Variants in NR3C1 observed in about 807,000 individuals in gnomAD.
NR3C1 encodes the protein glucocorticoid receptor.
A neutral mutation model predicts 74.0 loss-of-function variants in NR3C1; 14 were observed. The observed-to-expected ratio is 0.19, with a 90% CI of 0.12 to 0.30. The LOEUF is 0.30. Ranked by LOEUF, NR3C1 falls within the 10% of genes least tolerant of loss-of-function variation. The pLI is 1.00. For missense variants in NR3C1, 695 were observed against 909.8 expected, an observed-to-expected ratio of 0.76 and a Z score of 3.04; for synonymous variants, 308 against 332.5, an observed-to-expected ratio of 0.93 and a Z score of 0.80.
At chr5:143,354,293 C>T (rs1489600759) in intron 2 of NR3C1, among the ~76,000 whole-genome samples, 1 of 152,198 alleles carries the variant, frequency 6.6e-6, no homozygotes, top group African/African-American at 2.4e-5. Context: ...TAGTTATTTC[C>T]TTCAAGAGCT....
intron 1 of NR3C1, among the ~76,000 whole-genome samples, chr5:143,428,122 G>T (rs908881401): frequency 1.3e-5 from 2 of 152,120 alleles, no homozygotes; most frequent in Non-Finnish European, 2.9e-5. Context: ...AAGAAAAGAG[G>T]ACTTACAGGC....
intron 2 of NR3C1, among the ~76,000 whole-genome samples, chr5:143,336,034 T>G (rs563045680): frequency 6.6e-6 from 1 of 152,372 alleles, no homozygotes; most frequent in African/African-American, 2.4e-5. Context: ...AATTTGCCTA[T>G]TTCTCTGTTG....
intron 1 of NR3C1, among the ~76,000 whole-genome samples, chr5:143,424,137 C>T (rs1751401017): frequency 1.3e-5 from 2 of 151,732 alleles, no homozygotes. Context: ...GGGTGCAGCG[C>T]ACCACCATGG....
At chr5:143,377,700 T>A (rs1371818970) in intron 2 of NR3C1, among the ~76,000 whole-genome samples, 1 of 152,188 alleles carries the variant, frequency 6.6e-6, no homozygotes, top group Non-Finnish European at 1.5e-5. Flanking sequence ...GGAGAAACAT[T>A]TTTATGGCTA....
chr5:143,298,626 A>G (rs1237653488), intron 6 of NR3C1, 42 bp downstream of exon 6: 5 of 1,588,306 alleles, frequency 3.1e-6, no homozygotes, highest in Non-Finnish European at 4.3e-6. Context: ...CTGGTTAAAG[A>G]TACCCTATGA....
At chr5:143,324,623 A>G (rs1356579872) in intron 2 of NR3C1, among the ~76,000 whole-genome samples, 1 of 152,188 alleles carries the variant, frequency 6.6e-6, no homozygotes, top group Non-Finnish European at 1.5e-5. Flanking sequence ...GCTCCTTGCT[A>G]CTTATGCAAA....
Position 143,314,179 on chromosome 5 carries a change from G to A in NR3C1, c.1185-11C>T. The A allele has an allele frequency of 6.2e-7, 1 of 1,613,328 alleles. No homozygotes were observed. Among genetic ancestry groups the A allele is most frequent in the Non-Finnish European group, 8.5e-7 (1 of 1,179,568 alleles). Reference sequence around the variant, plus strand: ...GGTCTCATGCTGGGGCTAAAGAAGGGGAAGAACAGTGTTATGATTTAACTG... The same window carrying A: ...GGTCTCATGCTGGGGCTAAAGAAGGAGAAGAACAGTGTTATGATTTAACTG... On this transcript the variant is annotated splice_polypyrimidine_tract_variant and intron_variant, in intron 2 of 8. Coordinates refer to ENST00000394464, the MANE Select transcript of NR3C1 (RefSeq NM_000176.3).
At chr5:143,359,630 T>C (rs1438336432) in intron 2 of NR3C1, among the ~76,000 whole-genome samples, 1 of 152,066 alleles carries the variant, frequency 6.6e-6, no homozygotes, top group Non-Finnish European at 1.5e-5. Context: ...AAAAATCAAG[T>C]TTTTAGCTGG....
At chr5:143,352,325 A>G (rs1561645060) in intron 2 of NR3C1, among the ~76,000 whole-genome samples, 1 of 152,206 alleles carries the variant, frequency 6.6e-6, no homozygotes, top group Non-Finnish European at 1.5e-5. Context: ...AAGAAATAAC[A>G]GCTATTAAAA....
At position 143,279,009 on chromosome 5, in the gene NR3C1, C is replaced by T. The variant is rs1428583529; in HGVS notation, c.*2880G>A. On this transcript the variant is annotated 3_prime_UTR_variant, in exon 9 of 9. Coordinates refer to ENST00000394464, the MANE Select transcript of NR3C1 (RefSeq NM_000176.3). ...GCTTGTATAGTATCCCACAGAATAC[C>T]TACAAACACTAAAAATACTTTTCAG... 1 of 265,664 alleles carries T rather than the reference C, an allele frequency of 3.8e-6. No homozygotes were observed. The highest frequency in any genetic ancestry group is 7.1e-6 in the Non-Finnish European group (1 of 141,630). The allele number at this position is 265,664 out of a possible 1,614,324, so 16.5% of individuals were successfully genotyped here.
intron 1 of NR3C1, among the ~76,000 whole-genome samples, chr5:143,431,203 G>A (rs911005561): frequency 1.4e-4 from 22 of 152,174 alleles, no homozygotes; most frequent in African/African-American, 5.1e-4. Context: ...GGAGAGAGAT[G>A]GGCCACACCC....
rs1203726392 is a variant in NR3C1 at position 143,295,609 on chromosome 5, A to T, written c.1893-19T>A. On this transcript the variant is annotated intron_variant, in intron 6 of 8. Transcript: ENST00000394464. The stretch of plus-strand genomic sequence containing the variant: ...TCTCTGCCTGTGAAAGATAAATAGC[A>T]GGGTATTAGTTAGAAATACTGCTAC... The T allele has an allele frequency of 1.2e-6, 2 of 1,601,404 alleles. No homozygotes were observed. Among genetic ancestry groups the T allele is most frequent in the African/African-American group, 2.7e-5 (2 of 74,610 alleles).
chr5:143,333,324 T>C (rs1226647897), intron 2 of NR3C1: 2 of 680,612 alleles, frequency 2.9e-6, no homozygotes, highest in Non-Finnish European at 5.2e-6. Flanking sequence ...CTTTTTGCAT[T>C]TACTAGTATT....
intron 3 of NR3C1, among the ~76,000 whole-genome samples, chr5:143,311,472 C>CCTT (rs1820925319): frequency 6.6e-6 from 1 of 152,120 alleles, no homozygotes; most frequent in South Asian, 2.1e-4. Flanking sequence ...AGGCAATGTA[C>CCTT]CTTCATAAGT....
chr5:143,291,706 C>CCTAT (rs1364380622), intron 7 of NR3C1, among the ~76,000 whole-genome samples: 6 of 152,170 alleles, frequency 3.9e-5, no homozygotes, highest in African/African-American at 1.4e-4. Context: ...TTTCCTTTGA[C>CCTAT]CTATCTATCT....
chr5:143,384,764 T>C (rs968459001), intron 2 of NR3C1, among the ~76,000 whole-genome samples: 1 of 152,194 alleles, frequency 6.6e-6, no homozygotes, highest in African/African-American at 2.4e-5. Context: ...CAGGCTAGCA[T>C]TGAGTGCCTA....
At chr5:143,285,970 T>TAAAAAAAAAAAAAAAAAAAAAAAA (rs200720817) in intron 7 of NR3C1, among the ~76,000 whole-genome samples, 1 of 81,894 alleles carries the variant, frequency 1.2e-5, no homozygotes, top group Non-Finnish European at 2.9e-5. Flanking sequence ...CCAGACTGAT[T>TAAAAAAAAAAAAAAAAAAAAAAAA]AAAAAAAAAA....
In NR3C1 at chr5:143,373,601, TA is replaced by T. The variant is rs1187707979; in HGVS notation, c.1184+26054del. ...CGTTGTGCACATGTACCCTAGAACTTAAAGTATAATATAAAAAAAAAAGACT... is the reference window on the plus strand; with the variant it reads ...CGTTGTGCACATGTACCCTAGAACTTAAGTATAATATAAAAAAAAAAGACT... On this transcript the variant is annotated intron_variant, in intron 2 of 8. Coordinates refer to ENST00000394464, the MANE Select transcript of NR3C1 (RefSeq NM_000176.3). Among the ~76,000 whole-genome samples, 4 of 151,906 alleles carry T rather than the reference TA, an allele frequency of 2.6e-5. No individual in the cohort carries two copies. In the East Asian group the frequency reaches 5.8e-4, roughly 22 times the overall value.
At chr5:143,336,584 A>C (rs988930130) in intron 2 of NR3C1, among the ~76,000 whole-genome samples, 1 of 152,180 alleles carries the variant, frequency 6.6e-6, no homozygotes, top group Non-Finnish European at 1.5e-5. Flanking sequence ...CTGTTTAAGA[A>C]CATTTACAGG....
Sources: allele counts gnomAD v4.1 joint callset (sites outside exome capture counted in the v4.1 genomes callset), GRCh38; gene constraint gnomAD v4.1.1; transcripts MANE v1.5; gene names NCBI Gene and HGNC (gene_info 2026-07-23, HGNC 2026-07-21).